Variants in CSMD1 observed in about 807,000 individuals in gnomAD.
The protein encoded by CSMD1 is CUB and Sushi multiple domains 1, also known as CUB and sushi domain-containing protein 1.
In CSMD1, 213 loss-of-function variants were observed where a neutral mutation model predicts 417.5. The ratio of observed to expected loss-of-function variants is 0.51; its 90% CI spans 0.46 to 0.57. CSMD1 has a LOEUF of 0.57. Among genes scored for constraint, CSMD1 ranks in the 20% least tolerant of loss-of-function variants. CSMD1 has a pLI of 0.00. For missense variants in CSMD1, 6,923 were observed against 4,529.7 expected, an observed-to-expected ratio of 1.53 and a Z score of -15.17; for synonymous variants, 2,862 against 1,736.8, an observed-to-expected ratio of 1.65 and a Z score of -16.11.
chr8:4,464,925 C>T (rs1018131816), intron 2 of CSMD1, among the ~76,000 whole-genome samples: 3 of 152,038 alleles, frequency 2.0e-5, no homozygotes, highest in East Asian at 3.9e-4. Context: ...GGGCTGAGCA[C>T]GAAGCCATAT....
intron 47 of CSMD1, among the ~76,000 whole-genome samples, chr8:3,096,036 T>C (rs1815270540): frequency 1.3e-5 from 2 of 152,130 alleles, no homozygotes; most frequent in African/African-American, 4.8e-5. Flanking sequence ...AGTAAAATAA[T>C]TATTTAGATG....
intron 23 of CSMD1, among the ~76,000 whole-genome samples, chr8:3,326,434 G>T (rs1378813570): frequency 2.6e-5 from 4 of 152,194 alleles, no homozygotes; most frequent in Non-Finnish European, 5.9e-5. Context: ...ACAGACGAAG[G>T]TATGAGGTGT....
chr8:3,297,929 G>T (rs1299011892), intron 25 of CSMD1, among the ~76,000 whole-genome samples: 1 of 152,116 alleles, frequency 6.6e-6, no homozygotes, highest in Non-Finnish European at 1.5e-5. Context: ...ATAAAAAAAT[G>T]GGCAAAAGGC....
chr8:4,315,105 C>T (rs1156431213), intron 3 of CSMD1, among the ~76,000 whole-genome samples: 2 of 152,252 alleles, frequency 1.3e-5, no homozygotes, highest in South Asian at 2.1e-4. Flanking sequence ...GAGGACAGGG[C>T]TTCTTACACC....
chr8:4,251,397 A>C (rs77385561), intron 3 of CSMD1, among the ~76,000 whole-genome samples: 1 of 152,200 alleles, frequency 6.6e-6, no homozygotes, highest in South Asian at 2.1e-4. Context: ...GTCCTCCTAT[A>C]AAGTTCTTGT....
rs550287283 is a variant in CSMD1, at chr8:4,730,764, G to A, written c.86-93206C>T. Among the ~76,000 whole-genome samples, 114 of 150,110 alleles carry A rather than the reference G, an allele frequency of 7.6e-4. 1 individual carries two copies. Among genetic ancestry groups the A allele is most frequent in the African/African-American group, 2.8e-3 (112 of 39,986 alleles). ...TCAAAAAAACAAATAAAAAAAAAAA[G>A]AATAAAGGAAATGAATAAATGAATA... On this transcript the variant is annotated intron_variant, in intron 1 of 69. Transcript: ENST00000635120.
intron 3 of CSMD1, among the ~76,000 whole-genome samples, chr8:4,260,582 T>C (rs943215713): frequency 1.3e-5 from 2 of 152,208 alleles, no homozygotes; most frequent in East Asian, 3.8e-4. Flanking sequence ...AAGTTTGTAA[T>C]ATTGTTTCTG....
At chr8:3,022,533 A>G (rs916507494) in intron 51 of CSMD1, among the ~76,000 whole-genome samples, 3 of 152,242 alleles carry the variant, frequency 2.0e-5, no homozygotes. Flanking sequence ...ACGTTGAAAT[A>G]TATCAACTTT....
At chr8:3,900,213 G>C (rs1428474176) in intron 5 of CSMD1, among the ~76,000 whole-genome samples, 1 of 152,026 alleles carries the variant, frequency 6.6e-6, no homozygotes, top group Admixed American at 6.6e-5. Flanking sequence ...TGACAGTGGA[G>C]CTGGGTGACA....
chr8:4,957,030 A>G (rs1809161363), intron 1 of CSMD1, among the ~76,000 whole-genome samples: 1 of 152,250 alleles, frequency 6.6e-6, no homozygotes, highest in Admixed American at 6.5e-5. Flanking sequence ...GAAATGTGAG[A>G]AGAAATTCAG....
At chr8:4,571,434 C>A (rs1355867263) in intron 2 of CSMD1, among the ~76,000 whole-genome samples, 1 of 152,128 alleles carries the variant, frequency 6.6e-6, no homozygotes, top group East Asian at 1.9e-4. Flanking sequence ...TATCAGTTTC[C>A]ATGTAGTTGA....
At chr8:4,074,163 T>C (rs551820940) in intron 3 of CSMD1, among the ~76,000 whole-genome samples, 1 of 152,096 alleles carries the variant, frequency 6.6e-6, no homozygotes, top group Non-Finnish European at 1.5e-5. Context: ...ATATAATGCA[T>C]AACTTGTATG....
At chr8:4,904,599 C>T (rs1018597248) in intron 1 of CSMD1, among the ~76,000 whole-genome samples, 35 of 152,062 alleles carry the variant, frequency 2.3e-4, no homozygotes, top group African/African-American at 8.5e-4. Context: ...TCATTAAGCA[C>T]ATATATGAGT....
intron 2 of CSMD1, among the ~76,000 whole-genome samples, chr8:4,563,176 C>T (rs940931997): frequency 4.6e-5 from 7 of 151,996 alleles, no homozygotes; most frequent in South Asian, 2.1e-4. Context: ...CCGAGGCAGG[C>T]GGATCACGAG....
At chr8:4,293,637 G>C (rs895960061) in intron 3 of CSMD1, among the ~76,000 whole-genome samples, 2 of 152,084 alleles carry the variant, frequency 1.3e-5, no homozygotes, top group Non-Finnish European at 2.9e-5. Context: ...TTGACTGTAA[G>C]ACACAGCAGT....
chr8:4,796,550 G>C (rs1192240591), intron 1 of CSMD1, among the ~76,000 whole-genome samples: 4 of 150,828 alleles, frequency 2.7e-5, no homozygotes, highest in East Asian at 2.0e-4. Context: ...TCTCAGACTA[G>C]AGAGCACCCC....
In CSMD1 at chr8:4,871,543, GTTTTGT is replaced by G. The variant is rs574860257; in HGVS notation, c.85+122783_85+122788del. ...CTCACCAAGCACCCAACATATTAGT[GTTTTGT>G]TTTTATGTTTTGCTTTTATTATTTT... On this transcript the variant is annotated intron_variant, in intron 1 of 69. Transcript: ENST00000635120. Among the ~76,000 whole-genome samples the G allele has an allele frequency of 3.9e-5, 6 of 152,154 alleles. No homozygotes were observed. In the East Asian group the frequency reaches 1.2e-3, roughly 29 times the overall value.
At chr8:4,065,749 T>C (rs932534123) in intron 3 of CSMD1, among the ~76,000 whole-genome samples, 1 of 152,176 alleles carries the variant, frequency 6.6e-6, no homozygotes, top group East Asian at 1.9e-4. Context: ...ACCAAACACA[T>C]AAATGCTAAA....
intron 5 of CSMD1, among the ~76,000 whole-genome samples, chr8:3,847,076 G>T (rs570874844): frequency 6.6e-6 from 1 of 152,204 alleles, no homozygotes; most frequent in East Asian, 1.9e-4. Context: ...CCAGGGTGGG[G>T]GAAGGCAGGA....
Sources: allele counts gnomAD v4.1 joint callset (sites outside exome capture counted in the v4.1 genomes callset), GRCh38; gene constraint gnomAD v4.1.1; transcripts MANE v1.5; gene names NCBI Gene and HGNC (gene_info 2026-07-23, HGNC 2026-07-21).